The following ZNF330 variants were observed in gnomAD, a reference collection of about 807,000 sequenced individuals.
ZNF330 encodes zinc finger protein 330.
ZNF330 carries 31 observed loss-of-function variants against 45.5 expected under a neutral mutation model. The observed-to-expected ratio is 0.68, with a 90% confidence interval of 0.51 to 0.92. ZNF330 has a LOEUF of 0.92. Ranked by LOEUF, ZNF330 falls within the 40% of genes least tolerant of loss-of-function variation. The pLI, the probability that ZNF330 is intolerant of heterozygous loss-of-function variation, is 0.00. For synonymous variants in ZNF330, 138 were observed against 123.2 expected, an observed-to-expected ratio of 1.12 and a Z score of -0.79; for missense variants, 356 against 387.4, an observed-to-expected ratio of 0.92 and a Z score of 0.68.
chr4:141,224,361 G>C lies in ZNF330; in HGVS notation c.121-126G>C, dbSNP rs576191271. The C allele has an allele frequency of 3.8e-6, 3 of 795,026 alleles. No homozygotes were observed. In the African/African-American group the frequency reaches 5.2e-5, roughly 14 times the overall value. The allele number at this position is 795,026 out of a possible 1,614,324, so 49.2% of individuals were successfully genotyped here. On this transcript the variant is annotated intron_variant, in intron 2 of 9. Transcript: ENST00000262990. Reference sequence around the variant, plus strand: ...GGGTAGGTGCTTGTATACATGGGTGGAGTTGGGGCTTTGGTGTAGTGTCAC... The same window carrying C: ...GGGTAGGTGCTTGTATACATGGGTGCAGTTGGGGCTTTGGTGTAGTGTCAC...
chr4:141,230,104 G>T, intron 6 of ZNF330, 62 bp from the exon 7 acceptor site: 1 of 1,183,356 alleles, frequency 8.5e-7, no homozygotes, highest in East Asian at 2.3e-5. Flanking sequence ...CAGTATTATA[G>T]ATATGAGTTT....
chr4:141,232,447 C>G (rs1728980920), intron 8 of ZNF330, 78 bp from the exon 9 acceptor site: 2 of 762,860 alleles, frequency 2.6e-6, no homozygotes, highest in South Asian at 4.3e-5. Flanking sequence ...AAAGCTATAT[C>G]TTTAAAACAC....
At chr4:141,222,522 T>C in intron 2 of ZNF330, 31 bp downstream of exon 2, 1 of 1,600,460 alleles carries the variant, frequency 6.2e-7, no homozygotes, top group Non-Finnish European at 8.5e-7. Context: ...CAGTTGGTAG[T>C]TGGAAAAACT....
At chr4:141,226,944 C>T (rs964603762) in intron 5 of ZNF330, 98 bp downstream of exon 5, 2 of 972,896 alleles carry the variant, frequency 2.1e-6, no homozygotes, top group Admixed American at 4.6e-5. Flanking sequence ...ATTGCTTTGT[C>T]CCTTGTTTCA....
chr4:141,229,903 T>C (rs1382018299), intron 6 of ZNF330, among the ~76,000 whole-genome samples: 1 of 152,050 alleles, frequency 6.6e-6, no homozygotes, highest in Non-Finnish European at 1.5e-5. Flanking sequence ...GGAGGGAAGT[T>C]GTGGTGGAGC....
At chr4:141,230,692 C>G (rs370742657) in intron 7 of ZNF330, among the ~76,000 whole-genome samples, 48 of 152,212 alleles carry the variant, frequency 3.2e-4, no homozygotes, top group Middle Eastern at 6.8e-3. Flanking sequence ...GACTGTATAT[C>G]AAAAATACCT....
intron 1 of ZNF330, among the ~76,000 whole-genome samples, chr4:141,221,409 T>G (rs1260087422): frequency 6.6e-6 from 1 of 152,214 alleles, no homozygotes. Flanking sequence ...AGATTTAACT[T>G]TATCAGAGGA....
chr4:141,229,542 G>A, intron 5 of ZNF330, 29 bp from the exon 6 acceptor site: 1 of 1,611,686 alleles, frequency 6.2e-7, no homozygotes, highest in South Asian at 1.1e-5. Context: ...AGGTGATAAT[G>A]ATTATGTATT....
chr4:141,232,440 G>T, intron 8 of ZNF330, 85 bp from the exon 9 acceptor site: 2 of 661,394 alleles, frequency 3.0e-6, no homozygotes, highest in Non-Finnish European at 4.5e-6. Context: ...CCTTAATAAA[G>T]CTATATCTTT....
chr4:141,233,372 A>G (rs1204046055), intron 9 of ZNF330, among the ~76,000 whole-genome samples: 1 of 152,152 alleles, frequency 6.6e-6, no homozygotes, highest in East Asian at 1.9e-4. Context: ...AGCTGTCTTA[A>G]GAAAAATGTA....
chr4:141,232,510 GC>G lies in ZNF330; in HGVS notation c.571-14del, dbSNP rs528573671. 35 of 1,392,164 alleles carry G rather than the reference GC, an allele frequency of 2.5e-5. No homozygotes were observed. The highest frequency in any genetic ancestry group is 3.3e-5 in the Non-Finnish European group (34 of 1,033,672). The allele number at this position is 1,392,164 out of a possible 1,614,324, so 86.2% of individuals were successfully genotyped here. A position where few individuals can be genotyped will look rare whatever the true frequency, so the allele number is the denominator to read the frequency against. ...CATTTTTATTTATTTACTTTATTTTGCTTCTCCTATACAGGCTTGTTTCTGT... is the reference window on the plus strand; with the variant it reads ...CATTTTTATTTATTTACTTTATTTTGTTCTCCTATACAGGCTTGTTTCTGT... On this transcript the variant is annotated splice_polypyrimidine_tract_variant and intron_variant, in intron 8 of 9. Coordinates refer to ENST00000262990, the MANE Select transcript of ZNF330 (RefSeq NM_014487.6).
chr4:141,222,961 A>C (rs1031677576), intron 2 of ZNF330: 3 of 152,774 alleles, frequency 2.0e-5, no homozygotes, highest in Non-Finnish European at 4.4e-5. Flanking sequence ...GCTTTTTGAA[A>C]TATGCGAAAA....
At chr4:141,225,312 T>C (rs1728778035) in intron 4 of ZNF330, among the ~76,000 whole-genome samples, 1 of 152,088 alleles carries the variant, frequency 6.6e-6, no homozygotes, top group African/African-American at 2.4e-5. Flanking sequence ...TTCCACAGAC[T>C]TCCTGAAATA....
intron 3 of ZNF330, 47 bp from the exon 4 acceptor site, chr4:141,224,557 CTTT>C: frequency 6.2e-7 from 1 of 1,608,166 alleles, no homozygotes; most frequent in African/African-American, 1.3e-5. Flanking sequence ...GTCCCTCTGA[CTTT>C]TTATCTGACA....
At chr4:141,223,725 T>C (rs1485689159) in intron 2 of ZNF330, 13 of 455,910 alleles carry the variant, frequency 2.9e-5, no homozygotes, top group Non-Finnish European at 5.3e-5. Flanking sequence ...TAATGACAGC[T>C]AGATTTTGGA....
At chr4:141,224,454 GA>G (rs760599496) in intron 2 of ZNF330, 32 bp from the exon 3 acceptor site, 6 of 1,593,586 alleles carry the variant, frequency 3.8e-6, no homozygotes, top group Non-Finnish European at 5.1e-6. Flanking sequence ...TCAGTCAGCA[GA>G]AAAATTAATG....
At chr4:141,221,600 T>G (rs1297468164) in intron 1 of ZNF330, among the ~76,000 whole-genome samples, 5 of 152,198 alleles carry the variant, frequency 3.3e-5, no homozygotes, top group Non-Finnish European at 7.3e-5. Flanking sequence ...ATCTGGCTAT[T>G]TTTCAGTTGC....
At position 141,226,750 on chromosome 4, in the gene ZNF330, A is replaced by AACAG; in HGVS notation, c.212-17_212-16insACAG. 6.2e-7 allele frequency: 1 copy of AACAG among 1,607,412 alleles called. No individual in the cohort carries two copies. Among genetic ancestry groups the AACAG allele is most frequent in the Non-Finnish European group, 8.5e-7 (1 of 1,174,642 alleles). On this transcript the variant is annotated splice_polypyrimidine_tract_variant and intron_variant, in intron 4 of 9. Transcript: ENST00000262990. Reference sequence around the variant, plus strand: ...TTCCTTTGCAAGACTAACAGTGCAAATGTTTTTCTTCATTAGGGAAAACAA... The same window carrying AACAG: ...TTCCTTTGCAAGACTAACAGTGCAAAACAGTGTTTTTCTTCATTAGGGAAAACAA...
At chr4:141,226,644 A>T in intron 4 of ZNF330, 123 bp from the exon 5 acceptor site, 1 of 675,970 alleles carries the variant, frequency 1.5e-6, no homozygotes, top group Non-Finnish European at 2.6e-6. Context: ...GTAAATACTG[A>T]TTCAATTTCA....
Sources: gnomAD v4.1 joint callset for allele counts (sites outside exome capture counted in the v4.1 genomes callset) on GRCh38, gnomAD v4.1.1 for gene constraint, MANE v1.5 for transcripts, NCBI Gene and HGNC (gene_info 2026-07-23, HGNC 2026-07-21) for gene names.